SPOCK3: variants seen among roughly 807,000 people sequenced by gnomAD.
SPOCK3 encodes the protein SPARC (osteonectin), cwcv and kazal like domains proteoglycan 3.
Under a neutral mutation model 56.6 loss-of-function variants are expected in SPOCK3, and 30 were observed. The ratio of observed to expected loss-of-function variants is 0.53; its 90% CI spans 0.40 to 0.72. The LOEUF (loss-of-function observed/expected upper bound fraction) is 0.72. Ranked by LOEUF, SPOCK3 falls within the 30% of genes least tolerant of loss-of-function variation. The pLI is 0.00. For synonymous variants in SPOCK3, 196 were observed against 183.3 expected (o/e 1.07, Z -0.56); for missense variants, 527 against 530.0 (o/e 0.99, Z 0.06).
intron 2 of SPOCK3, among the ~76,000 whole-genome samples, chr4:167,224,464 G>T (rs1165526067): frequency 2.0e-5 from 3 of 152,042 alleles, no homozygotes; most frequent in Non-Finnish European, 2.9e-5. Context: ...ACATAAAAAA[G>T]CTTAAGAGAA....
intron 2 of SPOCK3, among the ~76,000 whole-genome samples, chr4:167,064,796 A>G (rs1055007190): frequency 4.0e-5 from 6 of 151,652 alleles, no homozygotes; most frequent in Non-Finnish European, 7.4e-5. Context: ...ATATCTACCT[A>G]TTTGAGGGGG....
chr4:167,086,518 T>C (rs190755059), intron 2 of SPOCK3, among the ~76,000 whole-genome samples: 54 of 152,236 alleles, frequency 3.5e-4, no homozygotes, highest in East Asian at 3.9e-4. Flanking sequence ...TTCTGCTAAC[T>C]GACGGGCTCT....
intron 2 of SPOCK3, among the ~76,000 whole-genome samples, chr4:167,200,031 T>C (rs1266187806): frequency 2.0e-5 from 3 of 152,102 alleles, no homozygotes; most frequent in Admixed American, 6.6e-5. Context: ...AATTACTATA[T>C]AGACAAGAAA....
chr4:167,044,066 G>A (rs1444536133), intron 3 of SPOCK3, among the ~76,000 whole-genome samples: 6 of 151,962 alleles, frequency 3.9e-5, no homozygotes, highest in Non-Finnish European at 7.4e-5. Flanking sequence ...ATATCCAACT[G>A]AGTTTCATAT....
At chr4:166,808,504 C>A (rs1022540342) in intron 6 of SPOCK3, among the ~76,000 whole-genome samples, 2 of 151,940 alleles carry the variant, frequency 1.3e-5, no homozygotes, top group Non-Finnish European at 2.9e-5. Context: ...AGGCTGCCAT[C>A]TGCAAACCAG....
chr4:167,113,251 T>C (rs1761048923), intron 2 of SPOCK3, among the ~76,000 whole-genome samples: 1 of 152,198 alleles, frequency 6.6e-6, no homozygotes, highest in Admixed American at 6.5e-5. Context: ...TAGATTCGTA[T>C]TGAACAACTC....
intron 7 of SPOCK3, among the ~76,000 whole-genome samples, chr4:166,766,091 A>C (rs183306675): frequency 2.4e-4 from 37 of 152,322 alleles, no homozygotes; most frequent in Admixed American, 2.0e-3. Context: ...TTTTGGGCTG[A>C]GATGATAGGG....
chr4:166,953,648 T>C (rs1264004648), intron 4 of SPOCK3, among the ~76,000 whole-genome samples: 8 of 152,142 alleles, frequency 5.3e-5, no homozygotes, highest in African/African-American at 9.7e-5. Flanking sequence ...ATGTTTATTG[T>C]GGCACTATTC....
intron 2 of SPOCK3, among the ~76,000 whole-genome samples, chr4:167,218,706 T>C (rs71620429): frequency 0.03 from 4,575 of 152,228 alleles, 108 homozygotes; most frequent in Middle Eastern, 0.075. Context: ...TCATTCCCCA[T>C]AGACCACCTT....
At chr4:166,738,400 C>T (rs1435799235) in intron 9 of SPOCK3, among the ~76,000 whole-genome samples, 1 of 130,924 alleles carries the variant, frequency 7.6e-6, no homozygotes, top group East Asian at 2.1e-4. Context: ...AATAGTAGAA[C>T]AGATAGATAA....
chr4:167,037,550 TG>T (rs1380070633), intron 3 of SPOCK3, among the ~76,000 whole-genome samples: 4 of 150,648 alleles, frequency 2.7e-5, no homozygotes, highest in African/African-American at 9.7e-5. Flanking sequence ...AAGGATTTTT[TG>T]AAATATCTAA....
intron 7 of SPOCK3, among the ~76,000 whole-genome samples, chr4:166,788,878 G>T (rs527257423): frequency 6.6e-6 from 1 of 151,948 alleles, no homozygotes; most frequent in South Asian, 2.1e-4. Flanking sequence ...CATCATCAAT[G>T]CTGGCTAATT....
At chr4:166,784,116 T>TGGG (rs1560853353) in intron 7 of SPOCK3, among the ~76,000 whole-genome samples, 1 of 152,110 alleles carries the variant, frequency 6.6e-6, no homozygotes, top group African/African-American at 2.4e-5. Context: ...CAACATTTCA[T>TGGG]TCACCCAGTG....
chr4:166,798,179 T>A (rs1365528915), intron 6 of SPOCK3, among the ~76,000 whole-genome samples: 2 of 152,236 alleles, frequency 1.3e-5, no homozygotes, highest in Non-Finnish European at 2.9e-5. Context: ...TTTATTATAC[T>A]CTACTTTTTA....
At chr4:167,095,525 C>T (rs1255505529) in intron 2 of SPOCK3, among the ~76,000 whole-genome samples, 1 of 151,754 alleles carries the variant, frequency 6.6e-6, no homozygotes, top group East Asian at 1.9e-4. Context: ...ATAAAATTAA[C>T]ACCTAAATGT....
In SPOCK3 at chr4:167,099,992, A is replaced by G. The variant is rs566388416; in HGVS notation, c.190-37455T>C. Reference sequence around the variant, plus strand: ...CTGAGCTATCACAATAACTAACATCACTTAGGCTTCACTTTTTATTTATAA... The same window carrying G: ...CTGAGCTATCACAATAACTAACATCGCTTAGGCTTCACTTTTTATTTATAA... On this transcript the variant is annotated intron_variant, in intron 2 of 10. Coordinates refer to ENST00000357545, the MANE Select transcript of SPOCK3 (RefSeq NM_001040159.2). 1.7e-3 allele frequency among the ~76,000 whole-genome samples: 265 copies of G among 152,228 alleles called. 3 individuals are homozygous for G. The highest frequency in any genetic ancestry group is 7.4e-4 in the Non-Finnish European group (50 of 67,986).
intron 2 of SPOCK3, among the ~76,000 whole-genome samples, chr4:167,205,030 T>C (rs1248185640): frequency 1.4e-5 from 2 of 143,640 alleles, no homozygotes; most frequent in East Asian, 2.0e-4. Flanking sequence ...AGAAGGTGTC[T>C]TTCTATGTTG....
intron 4 of SPOCK3, among the ~76,000 whole-genome samples, chr4:166,946,643 C>T (rs1741786677): frequency 6.6e-6 from 1 of 152,200 alleles, no homozygotes; most frequent in African/African-American, 2.4e-5. Context: ...TGGCCCTGCC[C>T]TGTCTCTTTG....
At chr4:166,941,068 A>C (rs1472574701) in intron 4 of SPOCK3, among the ~76,000 whole-genome samples, 1 of 152,088 alleles carries the variant, frequency 6.6e-6, no homozygotes, top group Non-Finnish European at 1.5e-5. Context: ...CTTTTAAAGC[A>C]AGAAGTCAAG....
Sources: allele counts gnomAD v4.1 joint callset (sites outside exome capture counted in the v4.1 genomes callset), GRCh38; gene constraint gnomAD v4.1.1; transcripts MANE v1.5; gene names NCBI Gene and HGNC (gene_info 2026-07-23, HGNC 2026-07-21).